Variants in PDLIM5 observed in about 807,000 individuals in gnomAD.
PDLIM5 encodes the protein PDZ and LIM domain protein 5.
A neutral mutation model predicts 64.2 loss-of-function variants in PDLIM5; 34 were observed. That is an observed-to-expected ratio of 0.53 (90% confidence interval 0.40 to 0.71). The LOEUF (loss-of-function observed/expected upper bound fraction) is 0.71, where lower values mean the gene tolerates loss of function less well. PDLIM5 is among the 30% of genes least tolerant of loss of function. The pLI, the probability that PDLIM5 is intolerant of heterozygous loss-of-function variation, is 0.00. For missense variants in PDLIM5, 683 were observed against 733.6 expected (o/e 0.93, Z 0.80); for synonymous variants, 253 against 269.1 (o/e 0.94, Z 0.59).
At chr4:94,464,303 C>T (rs909020154) in intron 2 of PDLIM5, among the ~76,000 whole-genome samples, 3 of 152,170 alleles carry the variant, frequency 2.0e-5, no homozygotes, top group Non-Finnish European at 2.9e-5. Flanking sequence ...AAAGTAGTTA[C>T]GGTAATGACA....
rs1560778969 is a variant in PDLIM5, at chr4:94,668,088, T to C, written c.*4021T>C. The stretch of plus-strand genomic sequence containing the variant: ...TATCTGTTAATGTCTATCTTCTGTC[T>C]CTTTAATTTTGTATATCTGCTGTTT... On this transcript the variant is annotated 3_prime_UTR_variant, in exon 13 of 13. Transcript: ENST00000317968. 6.6e-6 allele frequency: 1 copy of C among 152,256 alleles called. No homozygotes were observed. Among genetic ancestry groups the C allele is most frequent in the Non-Finnish European group, 1.5e-5 (1 of 68,044 alleles). The allele number at this position is 152,256 out of a possible 1,614,324, so 9.4% of individuals were successfully genotyped here. A position where few individuals can be genotyped will look rare whatever the true frequency, so the allele number is the denominator to read the frequency against.
chr4:94,518,505 T>C (rs531509694), intron 2 of PDLIM5, among the ~76,000 whole-genome samples: 1 of 152,308 alleles, frequency 6.6e-6, no homozygotes, highest in Admixed American at 6.5e-5. Flanking sequence ...GAACAAATGC[T>C]GGAACATTGT....
chr4:94,618,057 G>C lies in PDLIM5; in HGVS notation c.974G>C (p.Ser325Thr), dbSNP rs750390796. ...GCTTCCTCGGTAGCTTCCACACGGAGCATGCCCGAGAGCCTGGACAGCCCA... is the reference window on the plus strand; with the variant it reads ...GCTTCCTCGGTAGCTTCCACACGGACCATGCCCGAGAGCCTGGACAGCCCA... ...QLASSVASTR[S>T]MPESLDSPTS... Residue 325 changes from serine (S) to threonine (T), a missense_variant, in exon 8 of 13, where the codon AGC (serine) becomes ACC (threonine). Physicochemically the swap from Ser to Thr is moderately conservative, Grantham distance 58. Transcript: ENST00000317968. 4.3e-6 allele frequency: 7 copies of C among 1,609,756 alleles called. No individual in the cohort carries two copies. In the East Asian group the frequency reaches 1.3e-4, roughly 31 times the overall value.
At chr4:94,457,170 A>G in intron 2 of PDLIM5, 1 of 974,636 alleles carries the variant, frequency 1.0e-6, no homozygotes. Flanking sequence ...CCTTATTAAA[A>G]TACTGCAAAT....
At chr4:94,566,889 A>G (rs1436717070) in intron 3 of PDLIM5, among the ~76,000 whole-genome samples, 1 of 152,224 alleles carries the variant, frequency 6.6e-6, no homozygotes, top group African/African-American at 2.4e-5. Context: ...AGTTAATTTT[A>G]TATACATTGT....
chr4:94,665,509 G>GTT lies in PDLIM5; in HGVS notation c.*1442_*1443insTT. 1 of 659,092 alleles carries GTT rather than the reference G, an allele frequency of 1.5e-6. No individual in the cohort carries two copies. The highest frequency in any genetic ancestry group is 1.8e-6 in the Non-Finnish European group (1 of 545,804). The allele number at this position is 659,092 out of a possible 1,614,324, so 40.8% of individuals were successfully genotyped here. On this transcript the variant is annotated 3_prime_UTR_variant, in exon 13 of 13. Coordinates refer to ENST00000317968, the MANE Select transcript of PDLIM5 (RefSeq NM_006457.5). The stretch of plus-strand genomic sequence containing the variant: ...AAAAAAAAAAAAAAAAAAAAAAAGA[G>GTT]AGAGAGAGAATAAATAGAAAAGAAT...
intron 1 of PDLIM5, among the ~76,000 whole-genome samples, chr4:94,454,761 C>A (rs1439335077): frequency 5.3e-5 from 8 of 152,198 alleles, no homozygotes; most frequent in Admixed American, 5.2e-4. Context: ...ATTTGGAAAG[C>A]ATGAATGGGA....
intron 7 of PDLIM5, among the ~76,000 whole-genome samples, chr4:94,612,140 C>A (rs1023970282): frequency 6.6e-6 from 1 of 152,142 alleles, no homozygotes; most frequent in Non-Finnish European, 1.5e-5. Flanking sequence ...ATCACTTGAA[C>A]CCGGGAGGCA....
intron 7 of PDLIM5, among the ~76,000 whole-genome samples, chr4:94,613,245 A>G (rs1038627023): frequency 1.3e-5 from 2 of 152,190 alleles, no homozygotes. Flanking sequence ...TAACTTAAAC[A>G]TTGATAATTA....
At chr4:94,589,724 C>CTT (rs1170438986) in intron 7 of PDLIM5, among the ~76,000 whole-genome samples, 6 of 131,836 alleles carry the variant, frequency 4.6e-5, no homozygotes, top group Admixed American at 4.2e-4. Flanking sequence ...CTCTCTTTCT[C>CTT]TTTCTTTCTT....
At chr4:94,579,653 T>A in intron 5 of PDLIM5, 1 of 466,032 alleles carries the variant, frequency 2.1e-6, no homozygotes, top group Non-Finnish European at 3.9e-6. Flanking sequence ...TAATTTAGAA[T>A]AACCACATTT....
intron 8 of PDLIM5, among the ~76,000 whole-genome samples, chr4:94,623,254 C>A (rs187071491): frequency 2.0e-5 from 3 of 152,244 alleles, no homozygotes; most frequent in Non-Finnish European, 4.4e-5. Flanking sequence ...TCAGGCCAAC[C>A]TTCTTCTCCA....
At chr4:94,552,992 C>T (rs548779874) in intron 3 of PDLIM5, among the ~76,000 whole-genome samples, 45 of 152,198 alleles carry the variant, frequency 3.0e-4, no homozygotes, top group African/African-American at 1.1e-3. Flanking sequence ...CAAGAAAAAC[C>T]CCAGTCGTTT....
At chr4:94,559,378 A>G (rs1733642467) in intron 3 of PDLIM5, among the ~76,000 whole-genome samples, 1 of 152,144 alleles carries the variant, frequency 6.6e-6, no homozygotes, top group Non-Finnish European at 1.5e-5. Flanking sequence ...TTCTAGCCAT[A>G]CTCATCAATA....
intron 12 of PDLIM5, 28 bp downstream of exon 12, chr4:94,662,565 A>G (rs778372343): frequency 2.7e-6 from 3 of 1,117,204 alleles, no homozygotes; most frequent in Non-Finnish European, 1.4e-6. Flanking sequence ...TCCTAATTAA[A>G]GGGGTATAGT....
intron 3 of PDLIM5, among the ~76,000 whole-genome samples, chr4:94,549,362 C>T (rs539375710): frequency 2.0e-5 from 3 of 152,078 alleles, no homozygotes; most frequent in Non-Finnish European, 4.4e-5. Context: ...AAAAGGCCTT[C>T]GATAGGACGT....
rs974431146 is a variant in PDLIM5 at position 94,522,366 on chromosome 4, T to C, written c.97-1358T>C. On this transcript the variant is annotated intron_variant, in intron 2 of 12. Transcript: ENST00000317968. ...AAACATAACATAAAAGTTAACCATG[T>C]TTATCATTTTATTTTTTATTTTTTG... Among the ~76,000 whole-genome samples the C allele has an allele frequency of 3.3e-5, 5 of 152,080 alleles. No homozygotes were observed. In the East Asian group the frequency reaches 9.6e-4, roughly 29 times the overall value.
chr4:94,500,698 C>G (rs185866202), intron 2 of PDLIM5, among the ~76,000 whole-genome samples: 1 of 152,038 alleles, frequency 6.6e-6, no homozygotes, highest in Non-Finnish European at 1.5e-5. Flanking sequence ...TGCTGATAAT[C>G]GTGTCTGCTC....
chr4:94,623,569 G>A (rs1236965973), intron 8 of PDLIM5, among the ~76,000 whole-genome samples: 2 of 151,920 alleles, frequency 1.3e-5, no homozygotes, highest in Admixed American at 6.6e-5. Context: ...TGTCTTTTAC[G>A]ACTGTTTTTA....
Sources: allele counts gnomAD v4.1 joint callset (sites outside exome capture counted in the v4.1 genomes callset), GRCh38; gene constraint gnomAD v4.1.1; transcripts MANE v1.5; gene names NCBI Gene and HGNC (gene_info 2026-07-23, HGNC 2026-07-21).